Variants in CERS1 observed in about 807,000 individuals in gnomAD.
CERS1 encodes Embryonic growth/differentiation factor 1.
A neutral mutation model predicts 35.7 loss-of-function variants in CERS1; 16 were observed. The ratio of observed to expected loss-of-function variants is 0.45; its 90% CI spans 0.30 to 0.68. CERS1 has a LOEUF of 0.68. CERS1 is among the 30% of genes least tolerant of loss of function. CERS1 has a pLI of 0.08. For missense variants in CERS1, 454 were observed against 453.9 expected, an observed-to-expected ratio of 1.00 and a Z score of 0.00; for synonymous variants, 243 against 201.6, an observed-to-expected ratio of 1.21 and a Z score of -1.74.
In CERS1 at chr19:18,884,127, C is replaced by A. The variant is rs374308521; in HGVS notation, c.550G>T (p.Val184Leu). Residue 184 changes from valine to leucine, a missense_variant, in exon 3 of 8, where the codon GTG (valine) becomes TTG (leucine). Coordinates refer to ENST00000623882, the MANE Select transcript of CERS1 (RefSeq NM_021267.5). ...KDSVVMLLHHVVTLILIVSSY... is the reference protein window; with the variant it reads ...KDSVVMLLHHLVTLILIVSSY... The stretch of plus-strand genomic sequence containing the variant: ...GAGACGATGAGGATGAGAGTGACCA[C>A]GTGGTGGAGCAGCATGACCACCGAG... 2 of 1,613,412 alleles carry A rather than the reference C, an allele frequency of 1.2e-6. No homozygotes were observed. Among genetic ancestry groups the A allele is most frequent in the Non-Finnish European group, 8.5e-7 (1 of 1,179,790 alleles).
chr19:18,877,606 G>T (rs1000292527), intron 6 of CERS1, among the ~76,000 whole-genome samples: 1 of 151,990 alleles, frequency 6.6e-6, no homozygotes, highest in Non-Finnish European at 1.5e-5. Context: ...ACAAAAGTTA[G>T]CACAGCATGG....
chr19:18,880,136 G>A, intron 4 of CERS1, 138 bp downstream of exon 4: 1 of 620,662 alleles, frequency 1.6e-6, no homozygotes, highest in Non-Finnish European at 2.5e-6. Flanking sequence ...CCCAAATCAT[G>A]AGGCCCCTCC....
chr19:18,869,319 G>C lies in CERS1; in HGVS notation c.*666C>G. ...CGCTCAGCGGGTTCCACAGCCGACA[G>C]GTCGAAGACGACTGTCCACTCAGGG... On this transcript the variant is annotated 3_prime_UTR_variant, in exon 8 of 8. Transcript: ENST00000623882. The C allele has an allele frequency of 1.3e-6, 2 of 1,525,328 alleles. No homozygotes were observed. Among genetic ancestry groups the C allele is most frequent in the Non-Finnish European group, 1.7e-6 (2 of 1,143,462 alleles). 94.5% of individuals were successfully genotyped at this position (1,525,328 alleles called of 1,614,324 possible).
intron 2 of CERS1, among the ~76,000 whole-genome samples, chr19:18,891,895 C>CTT (rs78480061): frequency 7.5e-5 from 10 of 132,840 alleles, no homozygotes; most frequent in Admixed American, 3.1e-4. Context: ...TCATTCTCAT[C>CTT]TTTTTTTTTT....
intron 2 of CERS1, among the ~76,000 whole-genome samples, chr19:18,887,925 C>A (rs988191072): frequency 6.6e-6 from 1 of 152,164 alleles, no homozygotes; most frequent in African/African-American, 2.4e-5. Flanking sequence ...TCCCCTCCCC[C>A]AGCCCTGGCA....
chr19:18,869,982 C>T lies in CERS1; in HGVS notation c.*594+1G>A. On this transcript the variant is annotated splice_donor_variant, in intron 7 of 7. Coordinates refer to ENST00000623882, the MANE Select transcript of CERS1 (RefSeq NM_021267.5). LOFTEE classifies it low-confidence loss of function (3UTR_SPLICE). Reference sequence around the variant, plus strand: ...GTGTCCCCAGCGAAAGCCCCACTCACCGCGGTCCGGGATGTGGCGCACGAT... The same window carrying T: ...GTGTCCCCAGCGAAAGCCCCACTCATCGCGGTCCGGGATGTGGCGCACGAT... 1.9e-6 allele frequency: 3 copies of T among 1,586,418 alleles called. No homozygotes were observed. The highest frequency in any genetic ancestry group is 2.6e-6 in the Non-Finnish European group (3 of 1,168,062).
chr19:18,873,755 C>T (rs2056015265), intron 6 of CERS1, among the ~76,000 whole-genome samples: 1 of 151,278 alleles, frequency 6.6e-6, no homozygotes, highest in African/African-American at 2.4e-5. Context: ...GCAGGAGAAT[C>T]GCTTGAACCT....
At chr19:18,869,490 GGC>G in intron 7 of CERS1, 100 bp from the exon 8 acceptor site, 1 of 1,434,864 alleles carries the variant, frequency 7.0e-7, no homozygotes, top group Non-Finnish European at 9.2e-7. Flanking sequence ...TGGGGCTCGG[GGC>G]GCACCGTCTG....
intron 6 of CERS1, among the ~76,000 whole-genome samples, chr19:18,873,554 G>A (rs577003434): frequency 1.7e-4 from 26 of 151,802 alleles, no homozygotes; most frequent in Admixed American, 1.6e-3. Context: ...AAAATTAGCC[G>A]GGGCCAAGCA....
chr19:18,881,241 CAG>C (rs775613560), intron 3 of CERS1, among the ~76,000 whole-genome samples: 2 of 147,282 alleles, frequency 1.4e-5, no homozygotes, highest in Non-Finnish European at 3.0e-5. Flanking sequence ...TTTTTTGAGA[CAG>C]AGTCTTGCTC....
rs2056618110 is a variant in CERS1 at position 18,896,002 on chromosome 19, T to G, written c.71A>C (p.Gln24Pro). 1 of 1,017,972 alleles carries G rather than the reference T, an allele frequency of 9.8e-7. No individual in the cohort carries two copies. The highest frequency in any genetic ancestry group is 5.7e-5 in the Admixed American group (1 of 17,426). 63.1% of individuals were successfully genotyped at this position (1,017,972 alleles called of 1,614,324 possible). The part of the protein sequence containing the change: ...EPMPSYAQLV[Q>P]RGWGSALAAA... ...CGCCAGCGCGCTGCCCCAGCCGCGC[T>G]GCACTAGCTGCGCGTAGCTCGGCAT... The change falls in exon 1 of 8, where the codon CAG becomes CCG. Residue 24 changes from glutamine (Q) to proline (P), a missense_variant. By Grantham distance (76) the Gln-to-Pro change is moderately conservative. Coordinates refer to ENST00000623882, the MANE Select transcript of CERS1 (RefSeq NM_021267.5). The surrounding 1 kb of genome is among the most constrained non-coding windows in gnomAD (Gnocchi z 5.9).
In CERS1 at chr19:18,880,365, G is replaced by A. The variant is rs528765980; in HGVS notation, c.661C>T (p.Leu221Phe). 3.2e-6 allele frequency: 5 copies of A among 1,572,922 alleles called. No individual in the cohort carries two copies. In the South Asian group the frequency reaches 5.8e-5, roughly 18 times the overall value. The change falls in exon 4 of 8, where the codon CTC (leucine) becomes TTC (phenylalanine). Residue 221 changes from leucine to phenylalanine, a missense_variant. Coordinates refer to ENST00000623882, the MANE Select transcript of CERS1 (RefSeq NM_021267.5). ...CCGCGGGACTTGAAGTAAATGTTGAGCTTGGTGAACTCAAGCTGCACGTCA... is the reference window on the plus strand; with the variant it reads ...CCGCGGGACTTGAAGTAAATGTTGAACTTGGTGAACTCAAGCTGCACGTCA... ...ISDVQLEFTK[L>F]NIYFKSRGGS... is the part of the protein sequence containing the mutation.
intron 3 of CERS1, chr19:18,882,164 G>A (rs1393780753): frequency 6.5e-6 from 1 of 153,896 alleles, no homozygotes; most frequent in Non-Finnish European, 1.5e-5. Flanking sequence ...TTCCTTTTTG[G>A]TTCTATCATC....
Position 18,868,779 on chromosome 19 carries a change from G to A in CERS1, c.*1206C>T. ...CGCAGCACAGCGTGGTTGAGCGCCG[G>A]CGGCCCCCCGGACCCCGACAGCGCG... On this transcript the variant is annotated 3_prime_UTR_variant, in exon 8 of 8. Coordinates refer to ENST00000623882, the MANE Select transcript of CERS1 (RefSeq NM_021267.5). The A allele has an allele frequency of 1.4e-6, 2 of 1,466,840 alleles. No homozygotes were observed. Among genetic ancestry groups the A allele is most frequent in the South Asian group, 1.2e-5 (1 of 80,196 alleles). 90.9% of individuals were successfully genotyped at this position (1,466,840 alleles called of 1,614,324 possible). A position where few individuals can be genotyped will look rare whatever the true frequency, so the allele number is the denominator to read the frequency against.
At chr19:18,872,933 A>G (rs1393269093) in intron 6 of CERS1, among the ~76,000 whole-genome samples, 1 of 152,226 alleles carries the variant, frequency 6.6e-6, no homozygotes, top group Non-Finnish European at 1.5e-5. Flanking sequence ...TATGGGCGTG[A>G]GCCACCATGC....
At position 18,870,189 on chromosome 19, in the gene CERS1, A is replaced by T; in HGVS notation, c.*388T>A. On this transcript the variant is annotated 3_prime_UTR_variant, in exon 7 of 8. Coordinates refer to ENST00000623882, the MANE Select transcript of CERS1 (RefSeq NM_021267.5). This position sits in a 1 kb window ranked among gnomAD's most constrained non-coding sequence, Gnocchi z 5.1. ...CTCATCGCGCAGTCCTAGAGCCTGG[A>T]GCAGGGCGGCGGCTGGGCCTGGGGG... 6.4e-7 allele frequency: 1 copy of T among 1,563,336 alleles called. No individual in the cohort carries two copies. Among genetic ancestry groups the T allele is most frequent in the Non-Finnish European group, 8.6e-7 (1 of 1,161,952 alleles).
chr19:18,878,760 C>G lies in CERS1; in HGVS notation c.1010+170G>C. 7.0e-7 allele frequency: 1 copy of G among 1,436,564 alleles called. No individual in the cohort carries two copies. 89.0% of individuals were successfully genotyped at this position (1,436,564 alleles called of 1,614,324 possible). A position where few individuals can be genotyped will look rare whatever the true frequency, so the allele number is the denominator to read the frequency against. ...CCTCACTGTCCTGTCCTTCAGGGTACTGGCCACATCGTCCACGCCTTTATT... is the reference window on the plus strand; with the variant it reads ...CCTCACTGTCCTGTCCTTCAGGGTAGTGGCCACATCGTCCACGCCTTTATT... On this transcript the variant is annotated intron_variant, in intron 6 of 7. Transcript: ENST00000623882. This position sits in a 1 kb window ranked among gnomAD's most constrained non-coding sequence, Gnocchi z 4.6.
At chr19:18,876,761 A>G (rs1315793431) in intron 6 of CERS1, among the ~76,000 whole-genome samples, 1 of 152,204 alleles carries the variant, frequency 6.6e-6, no homozygotes, top group African/African-American at 2.4e-5. Context: ...TGTCACCTCC[A>G]TCCAGCTCCC....
At chr19:18,872,706 C>T (rs377436412) in intron 6 of CERS1, among the ~76,000 whole-genome samples, 69,552 of 151,624 alleles carry the variant, frequency 0.46, 16,130 homozygotes, top group South Asian at 0.6. Context: ...AGTAGAGATG[C>T]GGTTTTACCA....
Sources: gnomAD v4.1 joint callset for allele counts (sites outside exome capture counted in the v4.1 genomes callset) on GRCh38, gnomAD v4.1.1 for gene constraint, Gnocchi (gnomAD v3.1) non-coding constraint, MANE v1.5 for transcripts, NCBI Gene and HGNC (gene_info 2026-07-23, HGNC 2026-07-21) for gene names.